IMMP2L: variants seen among roughly 807,000 people sequenced by gnomAD.
IMMP2L encodes the protein inner mitochondrial membrane peptidase subunit 2.
Under a neutral mutation model 19.3 loss-of-function variants are expected in IMMP2L, and 18 were observed. The ratio of observed to expected loss-of-function variants is 0.93; its 90% CI spans 0.64 to 1.38. IMMP2L has a LOEUF of 1.38. IMMP2L is among the 40% of genes most tolerant of loss of function. IMMP2L has a pLI of 0.00. For missense variants in IMMP2L, 233 were observed against 218.2 expected (o/e 1.07, Z -0.43); for synonymous variants, 76 against 73.0 (o/e 1.04, Z -0.21).
intron 3 of IMMP2L, among the ~76,000 whole-genome samples, chr7:111,297,895 C>T (rs1026458370): frequency 2.0e-5 from 3 of 152,042 alleles, no homozygotes; most frequent in Non-Finnish European, 4.4e-5. Flanking sequence ...TGATTTCATG[C>T]AGCCAGAAGC....
chr7:111,037,840 T>C (rs1454313037), intron 3 of IMMP2L, among the ~76,000 whole-genome samples: 1 of 152,120 alleles, frequency 6.6e-6, no homozygotes, highest in Non-Finnish European at 1.5e-5. Flanking sequence ...GTGCAGAAAA[T>C]AGCAAAAGTA....
chr7:110,977,044 A>G (rs2129557433), intron 3 of IMMP2L, among the ~76,000 whole-genome samples: 1 of 152,110 alleles, frequency 6.6e-6, no homozygotes, highest in South Asian at 2.1e-4. Flanking sequence ...TAAAGAATAT[A>G]AAAACCTCCT....
At chr7:111,061,403 T>C (rs1292684843) in intron 3 of IMMP2L, among the ~76,000 whole-genome samples, 1 of 152,144 alleles carries the variant, frequency 6.6e-6, no homozygotes, top group Non-Finnish European at 1.5e-5. Context: ...TCATTTTCAA[T>C]AGTTTGCAGG....
Position 110,865,007 on chromosome 7 carries a change from TGCTA to T in IMMP2L, c.408+21582_408+21585del, listed in dbSNP as rs371497284. Among the ~76,000 whole-genome samples the T allele has an allele frequency of 5.0e-3, 756 of 152,206 alleles. 9 individuals are homozygous for T. Among genetic ancestry groups the T allele is most frequent in the African/African-American group, 0.018 (731 of 41,572 alleles). ...ATATCTAAATATTTCCCCACTGTCATGCTAGCTACCTGTCTAATATTATTTAGGA... is the reference window on the plus strand; with the variant it reads ...ATATCTAAATATTTCCCCACTGTCATGCTACCTGTCTAATATTATTTAGGA... On this transcript the variant is annotated intron_variant, in intron 5 of 5. Transcript: ENST00000405709.
At chr7:111,294,501 T>C (rs933230312) in intron 3 of IMMP2L, among the ~76,000 whole-genome samples, 11 of 151,970 alleles carry the variant, frequency 7.2e-5, no homozygotes, top group Non-Finnish European at 1.6e-4. Context: ...ATATCTAGGC[T>C]GTAATTCTTT....
intron 3 of IMMP2L, among the ~76,000 whole-genome samples, chr7:111,190,111 ATTT>A (rs1201873826): frequency 6.6e-6 from 1 of 152,120 alleles, no homozygotes; most frequent in Non-Finnish European, 1.5e-5. Context: ...ATCTCATACC[ATTT>A]TTTACACTAA....
intron 3 of IMMP2L, among the ~76,000 whole-genome samples, chr7:111,371,360 T>C (rs1186681758): frequency 6.6e-6 from 1 of 152,050 alleles, no homozygotes; most frequent in Non-Finnish European, 1.5e-5. Context: ...ATCCCTTTCT[T>C]AGAAAAGAAG....
chr7:111,048,248 AAAAAAAAAAAAAAAAAAG>A (rs1176178707), intron 3 of IMMP2L, among the ~76,000 whole-genome samples: 3 of 139,082 alleles, frequency 2.2e-5, no homozygotes, highest in Non-Finnish European at 4.7e-5. Flanking sequence ...CAAAAAAAAA[AAAAAAAAAAAAAAAAAAG>A]AAAAAAAGAA....
At chr7:110,952,258 T>C (rs986366576) in intron 4 of IMMP2L, among the ~76,000 whole-genome samples, 1 of 152,148 alleles carries the variant, frequency 6.6e-6, no homozygotes, top group Non-Finnish European at 1.5e-5. Context: ...AGAGATGTAA[T>C]TGAGCCAGCA....
At chr7:110,941,418 T>C (rs548671213) in intron 4 of IMMP2L, among the ~76,000 whole-genome samples, 89 of 152,318 alleles carry the variant, frequency 5.8e-4, no homozygotes, top group African/African-American at 1.8e-3. Context: ...ATGAACAGTA[T>C]CTGTGATCCT....
At chr7:111,532,320 C>T (rs2132817780) in intron 1 of IMMP2L, among the ~76,000 whole-genome samples, 1 of 152,190 alleles carries the variant, frequency 6.6e-6, no homozygotes, top group Middle Eastern at 3.4e-3. Flanking sequence ...CTACTTCGGT[C>T]TTATTTTAGA....
intron 3 of IMMP2L, among the ~76,000 whole-genome samples, chr7:111,422,558 C>T (rs983975482): frequency 6.6e-6 from 1 of 151,756 alleles, no homozygotes; most frequent in Non-Finnish European, 1.5e-5. Context: ...GATTTTTGCA[C>T]ATTGGTTTTG....
At chr7:111,403,875 A>G (rs1415884984) in intron 3 of IMMP2L, among the ~76,000 whole-genome samples, 1 of 152,138 alleles carries the variant, frequency 6.6e-6, no homozygotes. Context: ...ATAAAATAAT[A>G]TTGGGGCAAA....
rs116295081 is a variant in IMMP2L at position 110,888,056 on chromosome 7, T to A, written c.306-1361A>T. ...TTTTCAAGATAATTTCAGTGTTGAATTACTTTACTTTAGATCAGTAAATCA... is the reference window on the plus strand; with the variant it reads ...TTTTCAAGATAATTTCAGTGTTGAAATACTTTACTTTAGATCAGTAAATCA... On this transcript the variant is annotated intron_variant, in intron 4 of 5. Transcript: ENST00000405709. Among the ~76,000 whole-genome samples, 1,450 of 152,282 alleles carry A rather than the reference T, an allele frequency of 9.5e-3. 20 individuals are homozygous for A. The highest frequency in any genetic ancestry group is 0.032 in the African/African-American group (1,337 of 41,564).
chr7:111,280,721 G>T (rs1025574425), intron 3 of IMMP2L, among the ~76,000 whole-genome samples: 1 of 152,100 alleles, frequency 6.6e-6, no homozygotes, highest in African/African-American at 2.4e-5. Context: ...TAAAAACTTA[G>T]TAATAAGTGT....
intron 5 of IMMP2L, among the ~76,000 whole-genome samples, chr7:110,751,054 G>C (rs1314784508): frequency 2.6e-5 from 4 of 151,908 alleles, no homozygotes; most frequent in African/African-American, 9.7e-5. Context: ...CTTTTCAGTA[G>C]AATGTCTTGT....
intron 3 of IMMP2L, among the ~76,000 whole-genome samples, chr7:110,988,571 G>C (rs1822100035): frequency 6.6e-6 from 1 of 152,006 alleles, no homozygotes; most frequent in Non-Finnish European, 1.5e-5. Context: ...ATGTGTACAG[G>C]GAAAAAGAGG....
intron 4 of IMMP2L, among the ~76,000 whole-genome samples, chr7:110,953,523 A>G (rs1171075867): frequency 6.6e-6 from 1 of 152,126 alleles, no homozygotes; most frequent in Non-Finnish European, 1.5e-5. Flanking sequence ...GCTGCATAGC[A>G]TTCCATGGTG....
intron 3 of IMMP2L, among the ~76,000 whole-genome samples, chr7:111,278,249 T>A (rs1323345511): frequency 6.6e-6 from 1 of 152,204 alleles, no homozygotes; most frequent in Non-Finnish European, 1.5e-5. Flanking sequence ...TGAAAAGTTT[T>A]AACATACACA....
Sources: allele counts gnomAD v4.1 joint callset (sites outside exome capture counted in the v4.1 genomes callset), GRCh38; gene constraint gnomAD v4.1.1; transcripts MANE v1.5; gene names NCBI Gene and HGNC (gene_info 2026-07-23, HGNC 2026-07-21).